Variants in TECPR2 observed in about 807,000 individuals in gnomAD.
The protein encoded by TECPR2 is tectonin beta-propeller repeat-containing protein 2.
In TECPR2, 65 loss-of-function variants were observed where a neutral mutation model predicts 138.1. That is an observed-to-expected ratio of 0.47 (90% CI 0.39 to 0.58). The LOEUF (loss-of-function observed/expected upper bound fraction) is 0.58, where lower values mean the gene tolerates loss of function less well. Among genes scored for constraint, TECPR2 ranks in the 20% least tolerant of loss-of-function variants. TECPR2 has a pLI of 0.00. For missense variants in TECPR2, 1,553 were observed against 1,824.5 expected, an observed-to-expected ratio of 0.85 and a Z score of 2.71; for synonymous variants, 746 against 749.8, an observed-to-expected ratio of 0.99 and a Z score of 0.08.
At chr14:102,491,429 G>A (rs985883510) in intron 17 of TECPR2, among the ~76,000 whole-genome samples, 33 of 152,122 alleles carry the variant, frequency 2.2e-4, no homozygotes, top group Admixed American at 1.7e-3. Flanking sequence ...GCCCAGGCTC[G>A]TCTCAAACTC....
intron 1 of TECPR2, among the ~76,000 whole-genome samples, chr14:102,372,108 A>G (rs2139651272): frequency 6.6e-6 from 1 of 152,052 alleles, no homozygotes; most frequent in East Asian, 1.9e-4. Flanking sequence ...GTACCACCAC[A>G]CCTGGCTAAT....
At chr14:102,387,868 T>G (rs1040801227) in intron 2 of TECPR2, among the ~76,000 whole-genome samples, 2 of 152,120 alleles carry the variant, frequency 1.3e-5, no homozygotes, top group Non-Finnish European at 2.9e-5. Context: ...AAGGTCTGAC[T>G]GAGAAGGTGA....
intron 2 of TECPR2, among the ~76,000 whole-genome samples, chr14:102,388,980 A>C (rs1209000910): frequency 3.4e-5 from 5 of 148,606 alleles, no homozygotes; most frequent in Non-Finnish European, 7.5e-5. Context: ...AAAAAAAAAA[A>C]TTAGCTGGAT....
In TECPR2 at chr14:102,376,879, G is replaced by T. The variant is rs750590086; in HGVS notation, c.158G>T (p.Ser53Ile). 6.2e-7 allele frequency: 1 copy of T among 1,614,156 alleles called. No homozygotes were observed. Among genetic ancestry groups the T allele is most frequent in the Non-Finnish European group, 8.5e-7 (1 of 1,180,036 alleles). Residue 53 changes from serine to isoleucine, a missense_variant, in exon 2 of 20, where the codon AGC becomes ATC. Physicochemically the swap from Ser to Ile is moderately radical, Grantham distance 142 (BLOSUM62 -2). Coordinates refer to ENST00000359520, the MANE Select transcript of TECPR2 (RefSeq NM_014844.5). ...GGGGACTACATCGCGGTGGGCAGCA[G>T]CATCGGCATGCTCTATCTGTACTGC... ...TNGDYIAVGS[S>I]IGMLYLYCRH...
chr14:102,431,177 C>T (rs541569489), intron 7 of TECPR2, among the ~76,000 whole-genome samples: 27 of 148,506 alleles, frequency 1.8e-4, no homozygotes, highest in Non-Finnish European at 4.0e-4. Context: ...GCGTGCACCA[C>T]CACACCCTGC....
intron 1 of TECPR2, among the ~76,000 whole-genome samples, chr14:102,373,123 A>T (rs1444289924): frequency 1.3e-5 from 2 of 152,038 alleles, no homozygotes; most frequent in African/African-American, 4.8e-5. Context: ...GGTAACATTC[A>T]TGTCTAATGT....
rs567200860 is a variant in TECPR2 at position 102,418,599 on chromosome 14, G to A, written c.638+3806G>A. Among the ~76,000 whole-genome samples the A allele has an allele frequency of 3.4e-4, 51 of 150,614 alleles. 1 individual carries two copies. The highest frequency in any genetic ancestry group is 9.5e-4 in the African/African-American group (39 of 40,940). The stretch of plus-strand genomic sequence containing the variant: ...ACGGTGTGGGGAGCCCCCTCCCGTC[G>A]GCTTTGTGGGCCCTGCCCATGGGGC... On this transcript the variant is annotated intron_variant, in intron 5 of 19. Transcript: ENST00000359520.
chr14:102,378,131 A>C, intron 2 of TECPR2, among the ~76,000 whole-genome samples: 1 of 152,200 alleles, frequency 6.6e-6, no homozygotes, highest in East Asian at 1.9e-4. Flanking sequence ...GAGAGACTCA[A>C]AGTTGACTGA....
intron 6 of TECPR2, among the ~76,000 whole-genome samples, chr14:102,426,790 C>T (rs1267359834): frequency 2.0e-5 from 3 of 152,080 alleles, no homozygotes; most frequent in South Asian, 4.2e-4. Context: ...ACCTGGGAGG[C>T]GGAGGTTGCA....
At chr14:102,461,943 T>A (rs546237078) in intron 16 of TECPR2, among the ~76,000 whole-genome samples, 17 of 152,288 alleles carry the variant, frequency 1.1e-4, no homozygotes, top group African/African-American at 3.9e-4. Flanking sequence ...TGGGTGACAC[T>A]CTGGGGTAAA....
Position 102,465,472 on chromosome 14 carries a change from G to C in TECPR2, c.3789+183G>C, listed in dbSNP as rs1784891455. ...ACAACTGGAATTCGGGATTTGTGAA[G>C]TTTAGAGCTGAACAGACTGTTACAG... On this transcript the variant is annotated intron_variant, in intron 17 of 19. Coordinates refer to ENST00000359520, the MANE Select transcript of TECPR2 (RefSeq NM_014844.5). 3 of 1,402,506 alleles carry C rather than the reference G, an allele frequency of 2.1e-6. No individual in the cohort carries two copies. In the African/African-American group the frequency reaches 4.3e-5, roughly 20 times the overall value. The allele number at this position is 1,402,506 out of a possible 1,614,324, so 86.9% of individuals were successfully genotyped here. A position where few individuals can be genotyped will look rare whatever the true frequency, so the allele number is the denominator to read the frequency against.
At chr14:102,430,662 C>A (rs576343264) in intron 7 of TECPR2, among the ~76,000 whole-genome samples, 1 of 152,144 alleles carries the variant, frequency 6.6e-6, no homozygotes, top group Non-Finnish European at 1.5e-5. Flanking sequence ...CCTGTGGTGT[C>A]GTGTTGCAGA....
intron 1 of TECPR2, among the ~76,000 whole-genome samples, chr14:102,368,798 T>G (rs1887415897): frequency 6.6e-6 from 1 of 151,866 alleles, no homozygotes; most frequent in African/African-American, 2.4e-5. Flanking sequence ...AGGGATATGA[T>G]AGCTTGTACT....
At chr14:102,480,940 G>C (rs1890881319) in intron 17 of TECPR2, among the ~76,000 whole-genome samples, 1 of 139,902 alleles carries the variant, frequency 7.1e-6, no homozygotes, top group African/African-American at 2.7e-5. Context: ...CGCCTCTTGG[G>C]TTCAAGTGAT....
At chr14:102,438,264 G>GCCCCCGCTCGCCGCTCCTGCTCCCCGC (rs1889734669) in intron 10 of TECPR2, 59 bp downstream of exon 10, 1 of 1,544,918 alleles carries the variant, frequency 6.5e-7, no homozygotes, top group Non-Finnish European at 8.7e-7. Context: ...CCTGCTCCCC[G>GCCCCCGCTCGCCGCTCCTGCTCCCCGC]CCCCCGGGGT....
In TECPR2 at chr14:102,452,640, C is replaced by T. The variant is rs375069889; in HGVS notation, c.3640+13C>T. ...CTCTCCCAGCTAGGTACGGCCACCT[C>T]GTGAGTACACCTGCCGGTGCCCTGA... On this transcript the variant is annotated intron_variant, in intron 16 of 19. Coordinates refer to ENST00000359520, the MANE Select transcript of TECPR2 (RefSeq NM_014844.5). 4 of 1,561,230 alleles carry T rather than the reference C, an allele frequency of 2.6e-6. No individual in the cohort carries two copies. The highest frequency in any genetic ancestry group is 1.2e-5 in the South Asian group (1 of 86,008).
At chr14:102,481,360 G>A (rs1387503533) in intron 17 of TECPR2, among the ~76,000 whole-genome samples, 1 of 152,144 alleles carries the variant, frequency 6.6e-6, no homozygotes, top group Non-Finnish European at 1.5e-5. Flanking sequence ...TGTTGGCCAG[G>A]CTGGTCTGGA....
At chr14:102,494,883 C>T (rs1043091640) in intron 17 of TECPR2, among the ~76,000 whole-genome samples, 5 of 151,286 alleles carry the variant, frequency 3.3e-5, no homozygotes, top group Non-Finnish European at 5.9e-5. Context: ...CTGAGACCTG[C>T]AGTCACTCCA....
Position 102,434,306 on chromosome 14 carries a change from C to A in TECPR2, c.1489C>A (p.Pro497Thr). The A allele has an allele frequency of 1.4e-6, 2 of 1,444,168 alleles. No homozygotes were observed. The highest frequency in any genetic ancestry group is 1.4e-5 in the African/African-American group (1 of 70,860). 89.5% of individuals were successfully genotyped at this position (1,444,168 alleles called of 1,614,324 possible). The change falls in exon 9 of 20, where the codon CCC becomes ACC. Residue 497 changes from proline (P) to threonine (T), a missense_variant. By Grantham distance (38) the Pro-to-Thr change is conservative (BLOSUM62 -1). Coordinates refer to ENST00000359520, the MANE Select transcript of TECPR2 (RefSeq NM_014844.5). ...CTGCTCCGAATTTCCTGGGGACAGT[C>A]CCCAGTCCTTGAACACAGACTTGCT... is the stretch of plus-strand genomic sequence containing the variant. Reference protein sequence around the residue: ...TPCSEFPGDSPQSLNTDLLSM... With the variant: ...TPCSEFPGDSTQSLNTDLLSM...
Sources: gnomAD v4.1 joint callset for allele counts (sites outside exome capture counted in the v4.1 genomes callset) on GRCh38, gnomAD v4.1.1 for gene constraint, MANE v1.5 for transcripts, NCBI Gene and HGNC (gene_info 2026-07-23, HGNC 2026-07-21) for gene names.